Variants in A2ML1 observed in about 807,000 individuals in gnomAD.
A2ML1 encodes alpha-2-macroglobulin-like protein 1.
A2ML1 carries 161 observed loss-of-function variants against 181.9 expected under a neutral mutation model. The observed-to-expected ratio is 0.89, with a 90% CI of 0.78 to 1.01. The LOEUF (loss-of-function observed/expected upper bound fraction) is 1.01, where lower values mean the gene tolerates loss of function less well. A2ML1 is among the 50% of genes least tolerant of loss of function. A2ML1 has a pLI of 0.00. For synonymous variants in A2ML1, 663 were observed against 666.8 expected (o/e 0.99, Z 0.09); for missense variants, 1,670 against 1,768.1 (o/e 0.94, Z 1.00).
intron 11 of A2ML1, among the ~76,000 whole-genome samples, chr12:8,842,100 G>A (rs1171668862): frequency 3.3e-5 from 5 of 152,198 alleles, no homozygotes; most frequent in Admixed American, 6.5e-5. Flanking sequence ...CTGCTGCTCC[G>A]CATGCCTCTC....
chr12:8,879,757 A>G (rs1194494250), downstream of A2ML1, among the ~76,000 whole-genome samples: 1 of 152,212 alleles, frequency 6.6e-6, no homozygotes, highest in Non-Finnish European at 1.5e-5. Context: ...CGCTGAATAA[A>G]AGGATGTTAA....
intron 32 of A2ML1, 101 bp from the exon 33 acceptor site, chr12:8,869,034 C>T (rs1944531753): frequency 8.7e-7 from 1 of 1,151,034 alleles, no homozygotes; most frequent in African/African-American, 1.6e-5. Flanking sequence ...CTACCTTTTC[C>T]ACAGTATATA....
At chr12:8,833,940 A>G (rs1485933697) in intron 4 of A2ML1, among the ~76,000 whole-genome samples, 1 of 152,136 alleles carries the variant, frequency 6.6e-6, no homozygotes, top group Non-Finnish European at 1.5e-5. Context: ...ACTTGGCCCA[A>G]GAATAAAAAA....
At chr12:8,845,134 A>G (rs1215595007) in intron 12 of A2ML1, 9 of 1,480,676 alleles carry the variant, frequency 6.1e-6, no homozygotes, top group Admixed American at 4.9e-5. Flanking sequence ...TAAGAAAATA[A>G]AATTTGGAGA....
intron 28 of A2ML1, among the ~76,000 whole-genome samples, chr12:8,863,089 C>T (rs1161059009): frequency 1.5e-5 from 2 of 134,226 alleles, no homozygotes; most frequent in African/African-American, 2.7e-5. Flanking sequence ...TTTTATTCTA[C>T]TTAAAATGTT....
In A2ML1 at chr12:8,852,189, T is replaced by A. The variant is rs1397728315; in HGVS notation, c.2464-21T>A. The A allele has an allele frequency of 6.2e-7, 1 of 1,613,674 alleles. No individual in the cohort carries two copies. Among genetic ancestry groups the A allele is most frequent in the African/African-American group, 1.3e-5 (1 of 74,944 alleles). On this transcript the variant is annotated intron_variant, in intron 19 of 35. Coordinates refer to ENST00000299698, the MANE Select transcript of A2ML1 (RefSeq NM_144670.6). This position sits in a 1 kb window ranked among gnomAD's most constrained non-coding sequence, Gnocchi z 4.2. The stretch of plus-strand genomic sequence containing the variant: ...CTACCTCCTTTGTTTGTACCCTTTG[T>A]CTCTTAAACATCCTCCGTAGGTTCA...
intron 33 of A2ML1, among the ~76,000 whole-genome samples, chr12:8,872,463 A>G (rs769163719): frequency 6.6e-6 from 1 of 151,930 alleles, no homozygotes; most frequent in African/African-American, 2.4e-5. Flanking sequence ...ACTACATCTT[A>G]ATATAAATAA....
chr12:8,854,686 G>T, intron 21 of A2ML1, 94 bp from the exon 22 acceptor site: 1 of 1,366,748 alleles, frequency 7.3e-7, no homozygotes, highest in South Asian at 1.2e-5. Flanking sequence ...GAAGCCCTGG[G>T]GGCACAGCGA....
At chr12:8,863,667 ATTTT>A in intron 28 of A2ML1, 123 bp from the exon 29 acceptor site, 1 of 871,342 alleles carries the variant, frequency 1.1e-6, no homozygotes, top group Middle Eastern at 3.4e-4. Context: ...AATCTAAGAA[ATTTT>A]TTTTCTACTC....
intron 29 of A2ML1, 92 bp downstream of exon 29, chr12:8,864,100 C>A: frequency 8.3e-7 from 1 of 1,205,214 alleles, no homozygotes; most frequent in Non-Finnish European, 1.2e-6. Context: ...CCTTCTCGGT[C>A]CAGGGGCTTA....
At chr12:8,829,878 C>T (rs1943055114) in intron 4 of A2ML1, 99 bp downstream of exon 4, 15 of 1,482,908 alleles carry the variant, frequency 1.0e-5, no homozygotes, top group Middle Eastern at 1.8e-4. Flanking sequence ...CGTGGCAAGG[C>T]GAGGCCCTCT....
intron 3 of A2ML1, among the ~76,000 whole-genome samples, chr12:8,827,050 A>G (rs187198190): frequency 1.9e-4 from 29 of 152,102 alleles, no homozygotes; most frequent in Admixed American, 1.8e-3. Context: ...TAATATTGAT[A>G]TCTTTCTCAG....
chr12:8,881,883 T>C (rs951334643), intron 7 of A2ML1, among the ~76,000 whole-genome samples: 30 of 151,728 alleles, frequency 2.0e-4, no homozygotes, highest in Non-Finnish European at 3.1e-4. Context: ...TGGTGGTGGG[T>C]GCCTGTAGTC....
At chr12:8,843,036 T>C (rs1242041214) in intron 11 of A2ML1, 98 bp from the exon 12 acceptor site, 5 of 1,063,812 alleles carry the variant, frequency 4.7e-6, no homozygotes, top group East Asian at 2.4e-5. Flanking sequence ...GCAGTGAAGA[T>C]TTGAGAGAAA....
chr12:8,884,334 C>T (rs1268545160), intron 7 of A2ML1, among the ~76,000 whole-genome samples: 2 of 144,238 alleles, frequency 1.4e-5, no homozygotes, highest in Non-Finnish European at 3.0e-5. Context: ...AAACACGTGT[C>T]GCGGGGGTTG....
At chr12:8,842,624 C>CA (rs914167030) in intron 11 of A2ML1, among the ~76,000 whole-genome samples, 1 of 151,998 alleles carries the variant, frequency 6.6e-6, no homozygotes, top group African/African-American at 2.4e-5. Context: ...TCGGAGGGGG[C>CA]GGGGTGCGTG....
intron 14 of A2ML1, among the ~76,000 whole-genome samples, chr12:8,846,869 C>T (rs898403161): frequency 6.6e-6 from 1 of 151,238 alleles, no homozygotes; most frequent in Non-Finnish European, 1.5e-5. Context: ...CCCAGCTAGT[C>T]GGAAGGCTGA....
intron 33 of A2ML1, among the ~76,000 whole-genome samples, chr12:8,873,620 A>G (rs1190730819): frequency 6.6e-6 from 1 of 151,954 alleles, no homozygotes; most frequent in African/African-American, 2.4e-5. Context: ...ATTTTTTTTC[A>G]GTAGTAATAA....
At chr12:8,842,427 G>T (rs777262861) in intron 11 of A2ML1, among the ~76,000 whole-genome samples, 1 of 151,932 alleles carries the variant, frequency 6.6e-6, no homozygotes, top group Non-Finnish European at 1.5e-5. Flanking sequence ...CACTGTGTTA[G>T]CCAGGATGGT....
Sources: gnomAD v4.1 joint callset for allele counts (sites outside exome capture counted in the v4.1 genomes callset) on GRCh38, gnomAD v4.1.1 for gene constraint, Gnocchi (gnomAD v3.1) non-coding constraint, MANE v1.5 for transcripts, NCBI Gene and HGNC (gene_info 2026-07-23, HGNC 2026-07-21) for gene names.